Variants in PHIP observed in about 807,000 individuals in gnomAD.
PHIP encodes PH-interacting protein.
PHIP carries 54 observed loss-of-function variants against 236.8 expected under a neutral mutation model. That is an observed-to-expected ratio of 0.23 (90% CI 0.18 to 0.29). The LOEUF (loss-of-function observed/expected upper bound fraction) is 0.29. Ranked by LOEUF, PHIP falls within the 10% of genes least tolerant of loss-of-function variation. The pLI, the probability that PHIP is intolerant of heterozygous loss-of-function variation, is 1.00. For missense variants in PHIP, 1,370 were observed against 2,190.8 expected (o/e 0.63, Z 7.48); for synonymous variants, 756 against 718.9 (o/e 1.05, Z -0.83).
rs536604289 is a variant in PHIP at position 78,992,214 on chromosome 6, C to T, written c.2202-1229G>A. 6.6e-5 allele frequency among the ~76,000 whole-genome samples: 10 copies of T among 152,168 alleles called. No homozygotes were observed. The South Asian group carries it at 1.5e-3, about 22-fold the overall frequency. ...CCTGACCTCGTGATCCCCCCCACCT[C>T]GGCCTCCCAAAGTGCTGGGATTACA... On this transcript the variant is annotated intron_variant, in intron 19 of 39. Coordinates refer to ENST00000275034, the MANE Select transcript of PHIP (RefSeq NM_017934.7).
chr6:78,995,183 C>T lies in PHIP; in HGVS notation c.2201+2231G>A, dbSNP rs147516312. Among the ~76,000 whole-genome samples, 97 of 152,222 alleles carry T rather than the reference C, an allele frequency of 6.4e-4. 1 individual carries two copies. In the South Asian group the frequency reaches 8.1e-3, roughly 13 times the overall value. ...AGCATAATTCCCTCAAGATTCATAC[C>T]CATTGTATCAATATGCTGTTCCTTT... On this transcript the variant is annotated intron_variant, in intron 19 of 39. Coordinates refer to ENST00000275034, the MANE Select transcript of PHIP (RefSeq NM_017934.7).
In PHIP at chr6:78,955,229, T is replaced by C. The variant is rs1234516296; in HGVS notation, c.3903+3A>G. On this transcript the variant is annotated splice_donor_region_variant and intron_variant, in intron 34 of 39. Coordinates refer to ENST00000275034, the MANE Select transcript of PHIP (RefSeq NM_017934.7). The stretch of plus-strand genomic sequence containing the variant: ...ACTTCTGCTAAAACTAAAACTATAT[T>C]ACCTTCCTTTTTCGAGTAGAAGTTC... 6.3e-7 allele frequency: 1 copy of C among 1,599,074 alleles called. No individual in the cohort carries two copies. The highest frequency in any genetic ancestry group is 1.7e-5 in the Admixed American group (1 of 59,328).
At chr6:78,996,330 T>A (rs900699022) in intron 19 of PHIP, among the ~76,000 whole-genome samples, 1 of 152,198 alleles carries the variant, frequency 6.6e-6, no homozygotes, top group African/African-American at 2.4e-5. Flanking sequence ...GTTACTGATA[T>A]GGTTTTTGTG....
At position 78,940,911 on chromosome 6, in the gene PHIP, T is replaced by C. The variant is rs755064751; in HGVS notation, c.5248A>G (p.Ile1750Val). ...RSNRKKIDDP[I>V]DEEEEFEELK... Reference sequence around the variant, plus strand: ...TCTTCAAACTCTTCTTCCTCATCTATAGGATCATCTATCTTTTTTCGGTTA... The same window carrying C: ...TCTTCAAACTCTTCTTCCTCATCTACAGGATCATCTATCTTTTTTCGGTTA... Residue 1750 changes from isoleucine (I) to valine (V), a missense_variant, in exon 40 of 40, where the codon ATA becomes GTA. Physicochemically the swap from Ile to Val is conservative, Grantham distance 29. This residue lies in a region of PHIP where 309 missense variants were observed against 328.3 expected (regional missense o/e 0.94). Transcript: ENST00000275034. The C allele has an allele frequency of 3.7e-6, 6 of 1,613,760 alleles. No individual in the cohort carries two copies. Among genetic ancestry groups the C allele is most frequent in the South Asian group, 1.1e-5 (1 of 91,066 alleles).
intron 35 of PHIP, among the ~76,000 whole-genome samples, chr6:78,948,468 A>AT (rs576242464): frequency 4.1e-4 from 62 of 151,136 alleles, no homozygotes; most frequent in East Asian, 1.9e-3. Context: ...AGAATATGCT[A>AT]TTTTTTTTTA....
intron 27 of PHIP, among the ~76,000 whole-genome samples, chr6:78,966,524 TCTTC>T (rs751152925): frequency 4.6e-5 from 7 of 152,160 alleles, no homozygotes; most frequent in Non-Finnish European, 8.8e-5. Flanking sequence ...ATCCAACCTG[TCTTC>T]CTTCATCTCA....
chr6:79,036,324 C>T lies in PHIP; in HGVS notation c.600+6519G>A, dbSNP rs572912086. The stretch of plus-strand genomic sequence containing the variant: ...TCATTACATATCAATAATCTCCTCT[C>T]GTATCTTCAAATTTGCTATCTTAGT... On this transcript the variant is annotated intron_variant, in intron 7 of 39. Transcript: ENST00000275034. Among the ~76,000 whole-genome samples, 5 of 152,256 alleles carry T rather than the reference C, an allele frequency of 3.3e-5. No homozygotes were observed. The South Asian group carries it at 6.2e-4, about 19-fold the overall frequency.
chr6:78,947,749 T>C lies in PHIP; in HGVS notation c.4080A>G (p.Pro1360=), dbSNP rs150613208. ...TTTCTCTAACGGTAGCAAAATCCAT[T>C]GGAGTGTCAATGATGTCTCTGTAGT... ...YPDYRDIIDT[P]MDFATVRETL... Residue 1360 remains proline, a synonymous_variant, in exon 36 of 40, where the codon CCA becomes CCG. Transcript: ENST00000275034. 86 of 1,609,244 alleles carry C rather than the reference T, an allele frequency of 5.3e-5. No homozygotes were observed. Among genetic ancestry groups the C allele is most frequent in the Non-Finnish European group, 7.1e-5 (84 of 1,175,882 alleles).
chr6:78,937,223 A>G lies in PHIP; in HGVS notation c.*3470T>C, dbSNP rs934895039. 2 of 151,772 alleles carry G rather than the reference A, an allele frequency of 1.3e-5. No homozygotes were observed. Among genetic ancestry groups the G allele is most frequent in the African/African-American group, 2.4e-5 (1 of 41,414 alleles). 9.4% of individuals were successfully genotyped at this position (151,772 alleles called of 1,614,324 possible). ...CGTTTTCATTAGATAGAAAACTGAA[A>G]AAGTTGCTTCTAGCTGACATTTGAG... On this transcript the variant is annotated 3_prime_UTR_variant, in exon 40 of 40. Transcript: ENST00000275034.
intron 6 of PHIP, among the ~76,000 whole-genome samples, chr6:79,052,180 G>A (rs576378579): frequency 6.6e-6 from 1 of 152,162 alleles, no homozygotes; most frequent in African/African-American, 2.4e-5. Context: ...TGGGGCTGAG[G>A]GGTGGATATC....
chr6:78,983,198 A>G (rs964720789), intron 22 of PHIP, 81 bp from the exon 23 acceptor site: 1 of 709,120 alleles, frequency 1.4e-6, no homozygotes, highest in East Asian at 2.7e-5. Context: ...AAGAAAGATT[A>G]TAATAAAGAG....
intron 24 of PHIP, among the ~76,000 whole-genome samples, chr6:78,973,840 T>C (rs895678494): frequency 2.0e-5 from 3 of 151,676 alleles, no homozygotes; most frequent in Non-Finnish European, 4.4e-5. Flanking sequence ...CCTAAATATA[T>C]ATGCACCCAA....
At position 79,061,912 on chromosome 6, in the gene PHIP, CCATGAATGATATGTTTT is replaced by C. The variant is rs147422798; in HGVS notation, c.190-1111_190-1095del. Among the ~76,000 whole-genome samples the C allele has an allele frequency of 3.5e-3, 531 of 152,148 alleles. 3 individuals are homozygous for C. Among genetic ancestry groups the C allele is most frequent in the African/African-American group, 0.012 (499 of 41,506 alleles). ...CTGCTATACTCTTAACTGCAGAAAT[CCATGAATGATATGTTTT>C]TAAAGGTAGCTAATACCCATCTAAA... is the stretch of plus-strand genomic sequence containing the variant. On this transcript the variant is annotated intron_variant, in intron 4 of 39. Coordinates refer to ENST00000275034, the MANE Select transcript of PHIP (RefSeq NM_017934.7).
At chr6:78,980,855 G>T (rs1768479203) in intron 23 of PHIP, among the ~76,000 whole-genome samples, 1 of 151,994 alleles carries the variant, frequency 6.6e-6, no homozygotes, top group Admixed American at 6.6e-5. Flanking sequence ...CATAATTCTA[G>T]CCTCAATATG....
chr6:79,045,588 A>G (rs962516649), intron 6 of PHIP, among the ~76,000 whole-genome samples: 3 of 152,138 alleles, frequency 2.0e-5, no homozygotes, highest in Non-Finnish European at 4.4e-5. Context: ...AATTTAATTT[A>G]TAGTTTTATG....
chr6:78,953,539 T>C (rs1164464176), intron 35 of PHIP, among the ~76,000 whole-genome samples: 1 of 152,196 alleles, frequency 6.6e-6, no homozygotes, highest in Non-Finnish European at 1.5e-5. Flanking sequence ...CAGAACATTA[T>C]AGCATCAGCT....
Position 78,945,476 on chromosome 6 carries a change from T to A in PHIP, c.4652A>T (p.His1551Leu), listed in dbSNP as rs1275985483. 6.2e-7 allele frequency: 1 copy of A among 1,607,828 alleles called. No homozygotes were observed. Among genetic ancestry groups the A allele is most frequent in the Admixed American group, 1.7e-5 (1 of 59,990 alleles). Residue 1551 changes from histidine (H) to leucine (L), a missense_variant, in exon 39 of 40, where the codon CAT becomes CTT. His to Leu is a moderately conservative substitution (Grantham distance 99). This residue lies in a region of PHIP where 309 missense variants were observed against 328.3 expected (regional missense o/e 0.94). Coordinates refer to ENST00000275034, the MANE Select transcript of PHIP (RefSeq NM_017934.7). ...GKTILENSVK[H>L]SKALNTLSSP... ...GGAAAGAGTATTCAAAGCTTTGGAA[T>A]GTTTCACAGAATTCTCTAGTACTAA...
chr6:78,990,721 T>A, intron 20 of PHIP, 147 bp downstream of exon 20: 1 of 465,718 alleles, frequency 2.1e-6, no homozygotes, highest in Non-Finnish European at 3.8e-6. Context: ...TAGTAAACAA[T>A]AGATAATCCA....
At chr6:78,956,771 C>G (rs1358555716) in intron 32 of PHIP, 1 of 152,046 alleles carries the variant, frequency 6.6e-6, no homozygotes, top group Non-Finnish European at 1.5e-5. Context: ...CTTCTCCTCC[C>G]CTGTATCTGA....
Sources: gnomAD v4.1 joint callset for allele counts (sites outside exome capture counted in the v4.1 genomes callset) on GRCh38, gnomAD v4.1.1 for gene constraint, gnomAD v4.1.1 regional missense constraint, MANE v1.5 for transcripts, NCBI Gene and HGNC (gene_info 2026-07-23, HGNC 2026-07-21) for gene names.